The following GRM5 variants were observed in gnomAD, a reference collection of about 807,000 sequenced individuals.
The protein encoded by GRM5 is glutamate metabotropic receptor 5, also known as metabotropic glutamate receptor 5.
Under a neutral mutation model 83.1 loss-of-function variants are expected in GRM5, and 19 were observed. The observed-to-expected ratio is 0.23, with a 90% CI of 0.16 to 0.34. The LOEUF is 0.34. Ranked by LOEUF, GRM5 falls within the 10% of genes least tolerant of loss-of-function variation. The pLI, the probability that GRM5 is intolerant of heterozygous loss-of-function variation, is 1.00. For missense variants in GRM5, 1,160 were observed against 1,588.3 expected (o/e 0.73, Z 4.58); for synonymous variants, 675 against 633.6 (o/e 1.07, Z -0.98).
At chr11:88,651,732 T>C (rs1218553472) in intron 4 of GRM5, among the ~76,000 whole-genome samples, 1 of 152,090 alleles carries the variant, frequency 6.6e-6, no homozygotes, top group Non-Finnish European at 1.5e-5. Flanking sequence ...TATGTTGCAA[T>C]GATTTCTGGA....
At chr11:88,838,595 G>C (rs1944136281) in intron 3 of GRM5, among the ~76,000 whole-genome samples, 1 of 152,078 alleles carries the variant, frequency 6.6e-6, no homozygotes, top group African/African-American at 2.4e-5. Flanking sequence ...TTAATTTGAG[G>C]AAAGGGCTAT....
chr11:88,524,623 TACA>T (rs1473207925), intron 9 of GRM5, among the ~76,000 whole-genome samples: 1 of 152,218 alleles, frequency 6.6e-6, no homozygotes, highest in Non-Finnish European at 1.5e-5. Flanking sequence ...GTTTACTAGG[TACA>T]ACTCAATCAG....
intron 2 of GRM5, among the ~76,000 whole-genome samples, chr11:88,880,472 G>C (rs1449075558): frequency 6.6e-6 from 1 of 152,026 alleles, no homozygotes; most frequent in Non-Finnish European, 1.5e-5. Flanking sequence ...TTCTATATAA[G>C]AATAACATAC....
At chr11:88,687,229 C>CT (rs1170588613) in intron 3 of GRM5, among the ~76,000 whole-genome samples, 2 of 151,618 alleles carry the variant, frequency 1.3e-5, no homozygotes, top group African/African-American at 2.4e-5. Context: ...AATCCCAGCA[C>CT]TTTGAGAGGC....
At chr11:88,772,153 A>G (rs1942750885) in intron 3 of GRM5, among the ~76,000 whole-genome samples, 1 of 152,116 alleles carries the variant, frequency 6.6e-6, no homozygotes, top group Non-Finnish European at 1.5e-5. Context: ...TTTTATTTTA[A>G]ACATAAAGAT....
At chr11:88,764,789 C>T (rs902260310) in intron 3 of GRM5, among the ~76,000 whole-genome samples, 4 of 150,892 alleles carry the variant, frequency 2.7e-5, no homozygotes, top group African/African-American at 9.7e-5. Flanking sequence ...CTTTAAGATA[C>T]TAGAATAAAA....
intron 7 of GRM5, among the ~76,000 whole-genome samples, chr11:88,587,430 A>T (rs1385830935): frequency 6.6e-6 from 1 of 152,160 alleles, no homozygotes; most frequent in African/African-American, 2.4e-5. Flanking sequence ...AAAGATGGAA[A>T]GCAGTGGTGA....
chr11:88,665,878 A>G (rs1440070098), intron 3 of GRM5, among the ~76,000 whole-genome samples: 1 of 151,800 alleles, frequency 6.6e-6, no homozygotes, highest in Non-Finnish European at 1.5e-5. Context: ...TGGACTGAAG[A>G]AAGACTTTCC....
At chr11:88,742,975 T>C (rs1016564212) in intron 3 of GRM5, among the ~76,000 whole-genome samples, 1 of 152,010 alleles carries the variant, frequency 6.6e-6, no homozygotes, top group Non-Finnish European at 1.5e-5. Flanking sequence ...CAAGGACTAG[T>C]ATTAGAGAGG....
At chr11:88,723,631 C>G (rs761677355) in intron 3 of GRM5, among the ~76,000 whole-genome samples, 52 of 151,998 alleles carry the variant, frequency 3.4e-4, no homozygotes, top group Non-Finnish European at 4.6e-4. Context: ...TCTGAACACT[C>G]AAGCAACTAG....
chr11:89,001,410 T>C (rs1420705205), intron 2 of GRM5, among the ~76,000 whole-genome samples: 1 of 152,066 alleles, frequency 6.6e-6, no homozygotes, highest in Non-Finnish European at 1.5e-5. Flanking sequence ...ACAACCTATA[T>C]AAATCACCAG....
At chr11:88,634,967 G>A (rs980875919) in intron 4 of GRM5, among the ~76,000 whole-genome samples, 1 of 152,110 alleles carries the variant, frequency 6.6e-6, no homozygotes, top group African/African-American at 2.4e-5. Context: ...TTACTGAATC[G>A]TTATGTAGCA....
intron 1 of GRM5, among the ~76,000 whole-genome samples, chr11:89,048,846 T>C (rs1433021812): frequency 1.3e-5 from 2 of 152,170 alleles, no homozygotes; most frequent in East Asian, 3.8e-4. Context: ...CCTGTTCTTA[T>C]ATTAAGAAGT....
intron 2 of GRM5, among the ~76,000 whole-genome samples, chr11:88,889,492 G>A (rs571389840): frequency 6.6e-6 from 1 of 152,232 alleles, no homozygotes; most frequent in East Asian, 1.9e-4. Flanking sequence ...CATAATTAAG[G>A]CTTGTTGGTT....
At chr11:88,620,636 T>A (rs1208611962) in intron 4 of GRM5, among the ~76,000 whole-genome samples, 1 of 152,206 alleles carries the variant, frequency 6.6e-6, no homozygotes, top group African/African-American at 2.4e-5. Flanking sequence ...GCTTGGGCGG[T>A]GACTGGTGTT....
chr11:88,717,634 G>A (rs11021051), intron 3 of GRM5, among the ~76,000 whole-genome samples: 33,015 of 151,544 alleles, frequency 0.22, 3,782 homozygotes, highest in Middle Eastern at 0.28. Flanking sequence ...GCAAAATATC[G>A]TTCTACAACT....
rs111622707 is a variant in GRM5 at position 88,950,827 on chromosome 11, A to C, written c.661+96385T>G. Among the ~76,000 whole-genome samples the C allele has an allele frequency of 1.0e-3, 153 of 152,308 alleles. 2 individuals are homozygous for C. Among genetic ancestry groups the C allele is most frequent in the African/African-American group, 3.2e-3 (134 of 41,582 alleles). ...TCATTGAAAAGAATTTTTGCCTCAC[A>C]TGTCTGACCCAAATTCCAGTGTGAT... On this transcript the variant is annotated intron_variant, in intron 2 of 9. Coordinates refer to ENST00000305447, the MANE Select transcript of GRM5 (RefSeq NM_001143831.3).
chr11:88,647,487 G>A (rs1177880415), intron 4 of GRM5, among the ~76,000 whole-genome samples: 2 of 151,834 alleles, frequency 1.3e-5, no homozygotes, highest in African/African-American at 4.8e-5. Flanking sequence ...CTACAAGAGA[G>A]GCTCAAGAAT....
intron 3 of GRM5, among the ~76,000 whole-genome samples, chr11:88,728,511 C>A (rs952316024): frequency 1.3e-5 from 2 of 152,154 alleles, no homozygotes; most frequent in Non-Finnish European, 2.9e-5. Flanking sequence ...GGGCTCCTCC[C>A]TAACTCATTT....
Sources: allele counts gnomAD v4.1 joint callset (sites outside exome capture counted in the v4.1 genomes callset), GRCh38; gene constraint gnomAD v4.1.1; transcripts MANE v1.5; gene names NCBI Gene and HGNC (gene_info 2026-07-23, HGNC 2026-07-21).